HNF4G: variants seen among roughly 807,000 people sequenced by gnomAD.
HNF4G encodes hepatocyte nuclear factor 4 gamma, also known as hepatocyte nuclear factor 4-gamma.
Under a neutral mutation model 50.9 loss-of-function variants are expected in HNF4G, and 21 were observed. The observed-to-expected ratio is 0.41, with a 90% CI of 0.29 to 0.59. The LOEUF (loss-of-function observed/expected upper bound fraction) is 0.59, where lower values mean the gene tolerates loss of function less well. HNF4G is among the 20% of genes least tolerant of loss of function. HNF4G has a pLI of 0.26. For synonymous variants in HNF4G, 198 were observed against 185.6 expected, an observed-to-expected ratio of 1.07 and a Z score of -0.54; for missense variants, 527 against 559.4, an observed-to-expected ratio of 0.94 and a Z score of 0.58.
chr8:75,466,629 CTTCCTTCTCCCTTCCCTTCCCTTCCCTT>C (rs1811990663), intron 1 of HNF4G, among the ~76,000 whole-genome samples: 3 of 58,102 alleles, frequency 5.2e-5, no homozygotes, highest in African/African-American at 1.9e-4. Flanking sequence ...TCCTTCCTTC[CTTCCTTCTCCCTTCCCTTCCCTTCCCTT>C]CCCTTCCCTT....
intron 1 of HNF4G, among the ~76,000 whole-genome samples, chr8:75,409,382 G>A (rs1432504818): frequency 6.6e-6 from 1 of 151,002 alleles, no homozygotes; most frequent in East Asian, 1.9e-4. Flanking sequence ...CACGGTTATA[G>A]GCATATGGGA....
At chr8:75,520,440 TA>T (rs894760152) in intron 2 of HNF4G, among the ~76,000 whole-genome samples, 7 of 152,050 alleles carry the variant, frequency 4.6e-5, no homozygotes, top group African/African-American at 1.7e-4. Flanking sequence ...TGTTTTTTTT[TA>T]AATTTTTGTT....
chr8:75,418,153 C>A (rs1236348019), intron 1 of HNF4G, among the ~76,000 whole-genome samples: 2 of 152,120 alleles, frequency 1.3e-5, no homozygotes, highest in East Asian at 3.9e-4. Context: ...TTCTCCTTGG[C>A]TTGCAGATGG....
Position 75,474,672 on chromosome 8 carries a change from T to A in HNF4G, c.-143-15417T>A, listed in dbSNP as rs181755695. 3.9e-3 allele frequency among the ~76,000 whole-genome samples: 597 copies of A among 152,014 alleles called. 1 individual carries two copies. Among genetic ancestry groups the A allele is most frequent in the African/African-American group, 0.014 (561 of 41,396 alleles). ...ATGATGAATAATAATAATTATTATT[T>A]TTTTTGGAGATGGAATTATTATTTT... On this transcript the variant is annotated intron_variant, in intron 1 of 10. Transcript: ENST00000354370.
At chr8:75,419,635 C>T (rs184439867) in intron 1 of HNF4G, among the ~76,000 whole-genome samples, 1 of 152,276 alleles carries the variant, frequency 6.6e-6, no homozygotes, top group East Asian at 1.9e-4. Context: ...AGGTAAAATC[C>T]TAACAACTGT....
intron 2 of HNF4G, among the ~76,000 whole-genome samples, chr8:75,545,729 T>C (rs1489950656): frequency 6.6e-6 from 1 of 152,166 alleles, no homozygotes; most frequent in Non-Finnish European, 1.5e-5. Context: ...TTTCACATTA[T>C]GTACAATTTG....
At chr8:75,421,604 GATTT>G (rs1213201101) in intron 1 of HNF4G, among the ~76,000 whole-genome samples, 1 of 152,212 alleles carries the variant, frequency 6.6e-6, no homozygotes, top group Non-Finnish European at 1.5e-5. Context: ...CAACTTTTAA[GATTT>G]ATGTAAGAGG....
At chr8:75,434,051 T>C (rs1295652676) in intron 1 of HNF4G, among the ~76,000 whole-genome samples, 1 of 148,770 alleles carries the variant, frequency 6.7e-6, no homozygotes, top group Non-Finnish European at 1.5e-5. Flanking sequence ...GCCGCCAGGC[T>C]AGAGTGCAGT....
At chr8:75,536,608 AC>A (rs201275996), upstream of HNF4G, among the ~76,000 whole-genome samples, 4 of 152,166 alleles carry the variant, frequency 2.6e-5, no homozygotes, top group African/African-American at 7.2e-5. Context: ...TATAAAAAAA[AC>A]CGGTAACTGT....
At chr8:75,422,542 AG>A (rs1810797727) in intron 1 of HNF4G, among the ~76,000 whole-genome samples, 1 of 152,234 alleles carries the variant, frequency 6.6e-6, no homozygotes, top group Admixed American at 6.5e-5. Flanking sequence ...ATAGATTTTA[AG>A]TTTTTTTAAA....
intron 1 of HNF4G, among the ~76,000 whole-genome samples, chr8:75,428,861 C>A (rs1418620185): frequency 6.6e-6 from 1 of 152,026 alleles, no homozygotes; most frequent in African/African-American, 2.4e-5. Context: ...TAAACAGATT[C>A]ACATTTTGAA....
At chr8:75,410,183 A>C (rs1290390937) in intron 1 of HNF4G, among the ~76,000 whole-genome samples, 1 of 152,150 alleles carries the variant, frequency 6.6e-6, no homozygotes, top group East Asian at 1.9e-4. Flanking sequence ...ATCTATGTAC[A>C]TTATCTTTGC....
At chr8:75,447,625 C>G (rs1811453955) in intron 1 of HNF4G, among the ~76,000 whole-genome samples, 1 of 152,032 alleles carries the variant, frequency 6.6e-6, no homozygotes, top group Non-Finnish European at 1.5e-5. Context: ...GGGTGAAGGA[C>G]ATGAACAGAC....
rs139615325 is a variant in HNF4G, at chr8:75,415,741, C to T, written c.-144+7579C>T. Among the ~76,000 whole-genome samples the T allele has an allele frequency of 2.1e-3, 313 of 151,852 alleles. 1 individual carries two copies. Among genetic ancestry groups the T allele is most frequent in the African/African-American group, 7.2e-3 (297 of 41,380 alleles). On this transcript the variant is annotated intron_variant, in intron 1 of 10. Coordinates refer to the HNF4G transcript ENST00000354370. Reference sequence around the variant, plus strand: ...CAAATATAGGTTTTTGGGGTTTAAGCCAATGCCTTTTCAACCAGTGTGTGC... The same window carrying T: ...CAAATATAGGTTTTTGGGGTTTAAGTCAATGCCTTTTCAACCAGTGTGTGC...
intron 2 of HNF4G, among the ~76,000 whole-genome samples, chr8:75,516,847 C>T (rs924160070): frequency 2.0e-5 from 3 of 151,986 alleles, no homozygotes; most frequent in Non-Finnish European, 2.9e-5. Context: ...TTTGTTAAGT[C>T]TTTTTTGTCT....
At chr8:75,435,950 T>C (rs1811126842) in intron 1 of HNF4G, among the ~76,000 whole-genome samples, 1 of 152,194 alleles carries the variant, frequency 6.6e-6, no homozygotes, top group Admixed American at 6.5e-5. Flanking sequence ...AAAAGATCTA[T>C]AGAAAAATTT....
At chr8:75,541,007 TA>T (rs746703329) in intron 1 of HNF4G, among the ~76,000 whole-genome samples, 49 of 151,986 alleles carry the variant, frequency 3.2e-4, no homozygotes, top group Non-Finnish European at 6.5e-4. Context: ...GTGGGGATTT[TA>T]AAAAATAGTC....
At chr8:75,531,001 G>A (rs1174666321) in intron 2 of HNF4G, among the ~76,000 whole-genome samples, 2 of 151,854 alleles carry the variant, frequency 1.3e-5, no homozygotes, top group African/African-American at 2.4e-5. Context: ...ACCATGTTGT[G>A]CAGGCTGGTC....
chr8:75,471,114 T>C (rs1394471767), intron 1 of HNF4G, among the ~76,000 whole-genome samples: 2 of 152,178 alleles, frequency 1.3e-5, no homozygotes, highest in Admixed American at 6.5e-5. Flanking sequence ...AAAAATGCTT[T>C]AAGAGTTCAG....
Sources: gnomAD v4.1 joint callset for allele counts (sites outside exome capture counted in the v4.1 genomes callset) on GRCh38, gnomAD v4.1.1 for gene constraint, MANE v1.5 for transcripts, NCBI Gene and HGNC (gene_info 2026-07-23, HGNC 2026-07-21) for gene names.